ZBTB20: variants seen among roughly 807,000 people sequenced by gnomAD.
ZBTB20 encodes zinc finger and BTB domain containing 20, also known as zinc finger and BTB domain-containing protein 20.
ZBTB20 carries 9 observed loss-of-function variants against 56.9 expected under a neutral mutation model. The ratio of observed to expected loss-of-function variants is 0.16; its 90% confidence interval spans 0.10 to 0.28. ZBTB20 has a LOEUF of 0.28. Among genes scored for constraint, ZBTB20 ranks in the 10% least tolerant of loss-of-function variants. The pLI, the probability that ZBTB20 is intolerant of heterozygous loss-of-function variation, is 1.00. For synonymous variants in ZBTB20, 417 were observed against 420.7 expected, an observed-to-expected ratio of 0.99 and a Z score of 0.11; for missense variants, 655 against 1,003.0, an observed-to-expected ratio of 0.65 and a Z score of 4.69.
intron 6 of ZBTB20, among the ~76,000 whole-genome samples, chr3:114,569,613 C>T (rs1205188309): frequency 6.6e-6 from 1 of 152,224 alleles, no homozygotes; most frequent in East Asian, 1.9e-4. Context: ...CACACTGAGC[C>T]AACCTAACTA....
At chr3:114,354,604 CAG>C (rs1256786434) in intron 10 of ZBTB20, among the ~76,000 whole-genome samples, 1 of 82,450 alleles carries the variant, frequency 1.2e-5, no homozygotes, top group African/African-American at 4.7e-5. Flanking sequence ...TTTTTTTTGA[CAG>C]AGTCTTGCTC....
chr3:115,050,838 T>A (rs1560526982), intron 2 of ZBTB20, among the ~76,000 whole-genome samples: 1 of 151,990 alleles, frequency 6.6e-6, no homozygotes, highest in Non-Finnish European at 1.5e-5. Flanking sequence ...AAAAGGGTAA[T>A]AATAAAAGGA....
At chr3:114,911,983 A>T (rs2075558692) in intron 3 of ZBTB20, among the ~76,000 whole-genome samples, 1 of 151,942 alleles carries the variant, frequency 6.6e-6, no homozygotes, top group Admixed American at 6.6e-5. Flanking sequence ...AATTGTCAAA[A>T]GTGAAAGACA....
chr3:114,612,904 T>C (rs1437970877), intron 6 of ZBTB20, among the ~76,000 whole-genome samples: 1 of 152,216 alleles, frequency 6.6e-6, no homozygotes, highest in South Asian at 2.1e-4. Context: ...TATCAGCTTT[T>C]ACTCATTTGT....
At chr3:114,960,451 G>A (rs1187128950) in intron 3 of ZBTB20, among the ~76,000 whole-genome samples, 3 of 152,212 alleles carry the variant, frequency 2.0e-5, no homozygotes, top group Non-Finnish European at 4.4e-5. Flanking sequence ...ACGTACTACA[G>A]ATTAAGAAAC....
At chr3:114,879,392 A>G (rs763186972) in intron 4 of ZBTB20, among the ~76,000 whole-genome samples, 3 of 152,194 alleles carry the variant, frequency 2.0e-5, no homozygotes, top group African/African-American at 4.8e-5. Flanking sequence ...ACAGCATTTA[A>G]AAGAAATAAT....
chr3:115,122,857 C>G (rs2084222812), intron 1 of ZBTB20, among the ~76,000 whole-genome samples: 1 of 152,076 alleles, frequency 6.6e-6, no homozygotes, highest in African/African-American at 2.4e-5. Flanking sequence ...ATATCATTTA[C>G]CAACTACTGC....
Position 114,632,448 on chromosome 3 carries a change from A to G in ZBTB20, c.-295+61080T>C, listed in dbSNP as rs557625254. Among the ~76,000 whole-genome samples the G allele has an allele frequency of 2.0e-5, 3 of 152,232 alleles. No individual in the cohort carries two copies. In the South Asian group the frequency reaches 6.2e-4, roughly 32 times the overall value. On this transcript the variant is annotated intron_variant, in intron 6 of 11. Coordinates refer to ENST00000675478, the MANE Select transcript of ZBTB20 (RefSeq NM_001348800.3). ...TGATTCAGGCAGGCAAGTCCATTTTATTTTAGTTTGCCCTTCTGTTCTGCT... is the reference window on the plus strand; with the variant it reads ...TGATTCAGGCAGGCAAGTCCATTTTGTTTTAGTTTGCCCTTCTGTTCTGCT...
intron 10 of ZBTB20, among the ~76,000 whole-genome samples, chr3:114,358,230 G>A (rs2081448375): frequency 6.6e-6 from 1 of 152,176 alleles, no homozygotes; most frequent in Non-Finnish European, 1.5e-5. Flanking sequence ...TGGGGAGACT[G>A]CCTTTCTTTC....
At chr3:114,990,604 A>AT (rs1405098379) in intron 2 of ZBTB20, among the ~76,000 whole-genome samples, 1 of 152,124 alleles carries the variant, frequency 6.6e-6, no homozygotes, top group Non-Finnish European at 1.5e-5. Flanking sequence ...TGGTATCAGG[A>AT]TGATGCTGGC....
intron 4 of ZBTB20, among the ~76,000 whole-genome samples, chr3:114,830,628 A>G (rs545135651): frequency 1.3e-5 from 2 of 152,110 alleles, no homozygotes; most frequent in African/African-American, 4.8e-5. Flanking sequence ...CTAGGAGATT[A>G]GTACAATTAT....
At chr3:115,002,278 G>C (rs1475605210) in intron 2 of ZBTB20, among the ~76,000 whole-genome samples, 1 of 151,458 alleles carries the variant, frequency 6.6e-6, no homozygotes, top group African/African-American at 2.4e-5. Context: ...ACTTTTAGAA[G>C]ATAAATAGGA....
chr3:115,090,951 T>A (rs1329500936), intron 1 of ZBTB20, among the ~76,000 whole-genome samples: 3 of 151,888 alleles, frequency 2.0e-5, no homozygotes, highest in African/African-American at 7.2e-5. Context: ...TTAAGTGCTA[T>A]GAATCAAACT....
intron 1 of ZBTB20, among the ~76,000 whole-genome samples, chr3:115,098,452 A>G (rs1051310280): frequency 1.3e-5 from 2 of 152,148 alleles, no homozygotes; most frequent in Admixed American, 1.3e-4. Context: ...TATATGAAAA[A>G]CAAAATTATC....
chr3:114,544,763 C>G (rs1380743885), intron 6 of ZBTB20, among the ~76,000 whole-genome samples: 5 of 152,000 alleles, frequency 3.3e-5, no homozygotes, highest in Non-Finnish European at 7.4e-5. Context: ...CCTTGGCCTC[C>G]CAAAGTGCTG....
chr3:114,458,150 G>C (rs560661125), intron 7 of ZBTB20, among the ~76,000 whole-genome samples: 1 of 152,028 alleles, frequency 6.6e-6, no homozygotes, highest in Non-Finnish European at 1.5e-5. Context: ...AATATCTGAC[G>C]GCATTTTCAG....
At chr3:114,753,713 C>A (rs1457089286) in intron 5 of ZBTB20, among the ~76,000 whole-genome samples, 1 of 151,876 alleles carries the variant, frequency 6.6e-6, no homozygotes, top group African/African-American at 2.4e-5. Flanking sequence ...AGATTACAGG[C>A]GTGAGCTACC....
At chr3:114,443,974 T>C (rs2091098533) in intron 7 of ZBTB20, among the ~76,000 whole-genome samples, 1 of 152,166 alleles carries the variant, frequency 6.6e-6, no homozygotes, top group Non-Finnish European at 1.5e-5. Flanking sequence ...GCAAGGCTCA[T>C]TAAAAGATAC....
rs538020565 is a variant in ZBTB20 at position 114,544,502 on chromosome 3, C to A, written c.-294-44111G>T. 1.5e-4 allele frequency among the ~76,000 whole-genome samples: 18 copies of A among 118,498 alleles called. 1 individual carries two copies. In the South Asian group the frequency reaches 4.7e-3, roughly 31 times the overall value. 77.7% of individuals were successfully genotyped at this position (118,498 alleles called of 152,430 possible). On this transcript the variant is annotated intron_variant, in intron 6 of 11. Coordinates refer to ENST00000675478, the MANE Select transcript of ZBTB20 (RefSeq NM_001348800.3). ...CTTTTTCTTTCACTTTCTTTCTTTT[C>A]TTTCTTTCTTTTTTTTTTTTTGACA... is the stretch of plus-strand genomic sequence containing the variant.
Sources: gnomAD v4.1 joint callset for allele counts (sites outside exome capture counted in the v4.1 genomes callset) on GRCh38, gnomAD v4.1.1 for gene constraint, MANE v1.5 for transcripts, NCBI Gene and HGNC (gene_info 2026-07-23, HGNC 2026-07-21) for gene names.